UBAP2L: variants seen among roughly 807,000 people sequenced by gnomAD.
The protein encoded by UBAP2L is ubiquitin-associated protein 2-like.
A neutral mutation model predicts 130.6 loss-of-function variants in UBAP2L; 12 were observed. The observed-to-expected ratio is 0.09, with a 90% CI of 0.06 to 0.15. UBAP2L has a LOEUF of 0.15. UBAP2L is among the 10% of genes least tolerant of loss of function. UBAP2L has a pLI of 1.00. For missense variants in UBAP2L, 965 were observed against 1,332.5 expected (o/e 0.72, Z 4.29); for synonymous variants, 503 against 524.7 (o/e 0.96, Z 0.57).
chr1:154,222,285 T>C (rs1666482191), intron 1 of UBAP2L, among the ~76,000 whole-genome samples: 2 of 152,224 alleles, frequency 1.3e-5, no homozygotes, highest in South Asian at 4.1e-4. Context: ...ACATTTTGGC[T>C]GTGTATCAGT....
chr1:154,251,771 TAGTC>T, intron 14 of UBAP2L, 118 bp downstream of exon 14: 3 of 1,100,196 alleles, frequency 2.7e-6, no homozygotes, highest in Middle Eastern at 5.9e-4. Context: ...AGGGGGAAAG[TAGTC>T]AGTCATAGCA....
At chr1:154,248,463 A>AG (rs924929882) in intron 11 of UBAP2L, among the ~76,000 whole-genome samples, 14 of 152,272 alleles carry the variant, frequency 9.2e-5, no homozygotes, top group African/African-American at 3.1e-4. Flanking sequence ...GAGAAGGGCA[A>AG]GGACCTTAAT....
Position 154,255,231 on chromosome 1 carries a change from T to G in UBAP2L, c.1989T>G (p.Ala663=), listed in dbSNP as rs1679240539. 1.2e-6 allele frequency: 2 copies of G among 1,614,224 alleles called. No individual in the cohort carries two copies. The highest frequency in any genetic ancestry group is 1.7e-6 in the Non-Finnish European group (2 of 1,180,044). ...IPPLNETVSA[A]SLLTTTNQHS... ...CTCTCAATGAAACGGTATCTGCAGCTTCCTTACTGACGACAACCAATCAGC... is the reference window on the plus strand; with the variant it reads ...CTCTCAATGAAACGGTATCTGCAGCGTCCTTACTGACGACAACCAATCAGC... Residue 663 remains alanine (A), a synonymous_variant, in exon 17 of 27, where the codon GCT becomes GCG. Coordinates refer to ENST00000428931, the MANE Select transcript of UBAP2L (RefSeq NM_014847.4).
Position 154,246,860 on chromosome 1 carries a change from A to G in UBAP2L, c.1014+485A>G, listed in dbSNP as rs536245966. Among the ~76,000 whole-genome samples the G allele has an allele frequency of 2.0e-5, 3 of 149,714 alleles. No individual in the cohort carries two copies. The East Asian group carries it at 5.8e-4, about 29-fold the overall frequency. ...ACTTACTAGCTGTGTCTCCATTTCT[A>G]TGTAAATAGGGATAAAAGTGCTAGT... On this transcript the variant is annotated intron_variant, in intron 11 of 26. Coordinates refer to ENST00000428931, the MANE Select transcript of UBAP2L (RefSeq NM_014847.4).
intron 20 of UBAP2L, 32 bp downstream of exon 20, chr1:154,257,466 G>T: frequency 1.2e-6 from 2 of 1,610,170 alleles, no homozygotes; most frequent in Non-Finnish European, 1.7e-6. Context: ...TCTTCAAAAG[G>T]TGAGGATGTT....
At chr1:154,260,146 C>T in intron 22 of UBAP2L, 117 bp downstream of exon 22, 2 of 1,142,632 alleles carry the variant, frequency 1.8e-6, no homozygotes, top group Non-Finnish European at 2.6e-6. Context: ...ATTCAAAATC[C>T]TGCTAAAGTT....
At chr1:154,240,822 G>A (rs1673278620) in intron 8 of UBAP2L, among the ~76,000 whole-genome samples, 1 of 151,208 alleles carries the variant, frequency 6.6e-6, no homozygotes, top group African/African-American at 2.4e-5. Flanking sequence ...ATAAATAGGT[G>A]TAGTTTGCAT....
intron 16 of UBAP2L, 25 bp from the exon 17 acceptor site, chr1:154,255,127 G>T (rs748991733): frequency 6.2e-7 from 1 of 1,611,702 alleles, no homozygotes. Flanking sequence ...CTGATGAGAG[G>T]AATTCCTTTC....
chr1:154,257,691 T>G, intron 20 of UBAP2L: 1 of 449,306 alleles, frequency 2.2e-6, no homozygotes, highest in Non-Finnish European at 4.0e-6. Flanking sequence ...CAACTGTAAT[T>G]AAAATATAAA....
intron 15 of UBAP2L, 63 bp from the exon 16 acceptor site, chr1:154,254,773 A>ATTTCATATACTGGC: frequency 1.3e-6 from 2 of 1,546,490 alleles, no homozygotes; most frequent in East Asian, 4.5e-5. Context: ...CATCAGTGCT[A>ATTTCATATACTGGC]ACTTTCCTCA....
intron 23 of UBAP2L, among the ~76,000 whole-genome samples, chr1:154,261,363 A>G (rs1246535567): frequency 6.6e-6 from 1 of 152,216 alleles, no homozygotes; most frequent in African/African-American, 2.4e-5. Flanking sequence ...ACTCAGATTC[A>G]TTCATTCCCT....
chr1:154,225,406 TTTG>T (rs1407780870), intron 2 of UBAP2L, among the ~76,000 whole-genome samples, 193 bp downstream of exon 2: 2 of 152,338 alleles, frequency 1.3e-5, no homozygotes, highest in East Asian at 3.9e-4. Flanking sequence ...TGCTTACTTT[TTTG>T]TTGTTTAATA....
intron 3 of UBAP2L, among the ~76,000 whole-genome samples, 189 bp downstream of exon 3, chr1:154,227,548 G>GTTTTTTTTTTTTTTTT (rs140500910): frequency 6.7e-6 from 1 of 149,656 alleles, no homozygotes. Flanking sequence ...CCTTTGTTTT[G>GTTTTTTTTTTTTTTTT]TTTTTTGTTT....
intron 24 of UBAP2L, 86 bp downstream of exon 24, chr1:154,261,783 A>G (rs891396684): frequency 7.1e-7 from 1 of 1,399,846 alleles, no homozygotes; most frequent in Non-Finnish European, 1.0e-6. Context: ...GCTTGAGAAA[A>G]TGGGATTGGT....
chr1:154,228,467 G>T (rs554258713), intron 3 of UBAP2L, 148 bp from the exon 4 acceptor site: 11 of 562,866 alleles, frequency 2.0e-5, no homozygotes, highest in Non-Finnish European at 3.2e-5. Context: ...GATTATAGGC[G>T]TGAGCCACTG....
upstream of UBAP2L, chr1:154,220,311 C>G (rs1344147207): frequency 6.2e-7 from 1 of 1,613,228 alleles, no homozygotes; most frequent in Non-Finnish European, 8.5e-7. Flanking sequence ...TAAGATGCGA[C>G]AGCAGGAATG....
In UBAP2L at chr1:154,268,299, C is replaced by G. The variant is rs187560835; in HGVS notation, c.2971-458C>G. The stretch of plus-strand genomic sequence containing the variant: ...CTCCACCTCCCAGGTTCAAGTGATT[C>G]TCCTGCCTCAGACTCCCAAGTAGCT... On this transcript the variant is annotated intron_variant, in intron 25 of 26. Coordinates refer to ENST00000428931, the MANE Select transcript of UBAP2L (RefSeq NM_014847.4). 2.9e-3 allele frequency among the ~76,000 whole-genome samples: 445 copies of G among 152,152 alleles called. 2 individuals carry two copies. Among genetic ancestry groups the G allele is most frequent in the African/African-American group, 0.01 (433 of 41,488 alleles).
chr1:154,261,333 A>T (rs1681462197), intron 23 of UBAP2L, among the ~76,000 whole-genome samples: 1 of 152,176 alleles, frequency 6.6e-6, no homozygotes. Context: ...GGAGAATATG[A>T]TACCATACAG....
chr1:154,259,119 C>G (rs1342645018), intron 21 of UBAP2L, 89 bp downstream of exon 21: 1 of 1,161,274 alleles, frequency 8.6e-7, no homozygotes, highest in Non-Finnish European at 1.3e-6. Context: ...TAGCTCTTTC[C>G]CATCCCAGCC....
Sources: gnomAD v4.1 joint callset for allele counts (sites outside exome capture counted in the v4.1 genomes callset) on GRCh38, gnomAD v4.1.1 for gene constraint, MANE v1.5 for transcripts, NCBI Gene and HGNC (gene_info 2026-07-23, HGNC 2026-07-21) for gene names.